The following MAP3K9 variants were observed in gnomAD, a reference collection of about 807,000 sequenced individuals.
MAP3K9 encodes the protein mixed lineage kinase 1 (tyr and ser/thr specificity).
A neutral mutation model predicts 95.8 loss-of-function variants in MAP3K9; 46 were observed. The ratio of observed to expected loss-of-function variants is 0.48; its 90% confidence interval spans 0.38 to 0.61. The LOEUF (loss-of-function observed/expected upper bound fraction) is 0.61. MAP3K9 is among the 20% of genes least tolerant of loss of function. The pLI is 0.00. For missense variants in MAP3K9, 1,296 were observed against 1,474.3 expected, an observed-to-expected ratio of 0.88 and a Z score of 1.98; for synonymous variants, 533 against 593.8, an observed-to-expected ratio of 0.90 and a Z score of 1.49.
intron 2 of MAP3K9, among the ~76,000 whole-genome samples, chr14:70,778,890 C>G (rs4902853): frequency 6.6e-6 from 1 of 152,180 alleles, no homozygotes; most frequent in Non-Finnish European, 1.5e-5. Context: ...GTCCACCCAT[C>G]TTGTTTGAAC....
Position 70,809,261 on chromosome 14 carries a change from A to ACCC in MAP3K9, c.-93_-91dup. 1 of 1,090,238 alleles carries ACCC rather than the reference A, an allele frequency of 9.2e-7. No individual in the cohort carries two copies. The highest frequency in any genetic ancestry group is 1.1e-6 in the Non-Finnish European group (1 of 877,816). The allele number at this position is 1,090,238 out of a possible 1,614,324, so 67.5% of individuals were successfully genotyped here. A position where few individuals can be genotyped will look rare whatever the true frequency, so the allele number is the denominator to read the frequency against. On this transcript the variant is annotated 5_prime_UTR_variant, in exon 1 of 12. Transcript: ENST00000554752. ...CATGCGCCTCCGCAGAGCTGGGAGG[A>ACCC]CCCCCCCCCAACGACGGCGGCCGCA...
At chr14:70,789,128 C>G (rs1212455953) in intron 2 of MAP3K9, among the ~76,000 whole-genome samples, 1 of 152,234 alleles carries the variant, frequency 6.6e-6, no homozygotes, top group African/African-American at 2.4e-5. Flanking sequence ...GACGAGGCTG[C>G]ATTTTTCAGA....
intron 2 of MAP3K9, among the ~76,000 whole-genome samples, chr14:70,795,486 AT>A (rs1434315892): frequency 6.9e-6 from 1 of 145,552 alleles, no homozygotes; most frequent in Non-Finnish European, 1.5e-5. Context: ...ATTTTATTGT[AT>A]TTTTTGCAGA....
At chr14:70,757,728 G>A (rs1264691217) in intron 3 of MAP3K9, among the ~76,000 whole-genome samples, 7 of 152,156 alleles carry the variant, frequency 4.6e-5, no homozygotes, top group Non-Finnish European at 1.0e-4. Context: ...GAGTAGAACT[G>A]AGAATCTAGA....
intron 2 of MAP3K9, chr14:70,783,426 C>T: frequency 2.0e-6 from 2 of 983,648 alleles, no homozygotes; most frequent in Non-Finnish European, 2.4e-6. Context: ...TCATTTCCTG[C>T]TCAAAATTCC....
rs187137240 is a variant in MAP3K9, at chr14:70,768,396, T to C, written c.821-7214A>G. 7.9e-5 allele frequency among the ~76,000 whole-genome samples: 12 copies of C among 151,918 alleles called. No homozygotes were observed. In the East Asian group the frequency reaches 2.3e-3, roughly 29 times the overall value. On this transcript the variant is annotated intron_variant, in intron 2 of 11. Transcript: ENST00000554752. The stretch of plus-strand genomic sequence containing the variant: ...ACATTGAGTAACCTGTACAAACAAA[T>C]AAAATGAAACAAAAATAAATGGTAC...
rs772906765 is a variant in MAP3K9, at chr14:70,732,709, C to T, written c.2660G>A (p.Arg887His). 12 of 1,599,240 alleles carry T rather than the reference C, an allele frequency of 7.5e-6. No individual in the cohort carries two copies. Among genetic ancestry groups the T allele is most frequent in the Admixed American group, 3.4e-5 (2 of 59,218 alleles). ...AGATTGGTTAGGATCTCGTTTGAAGCGCTCTACTCGGACATTGACCAGGGG... is the reference window on the plus strand; with the variant it reads ...AGATTGGTTAGGATCTCGTTTGAAGTGCTCTACTCGGACATTGACCAGGGG... Reference protein sequence around the residue: ...HNPLVNVRVERFKRDPNQSLT... With the variant: ...HNPLVNVRVEHFKRDPNQSLT... Residue 887 changes from arginine (R) to histidine (H), a missense_variant, in exon 11 of 12, where the codon CGC (arginine) becomes CAC (histidine). Arg to His is a conservative substitution (Grantham distance 29). Around this residue, in one of 5 missense-constraint regions of MAP3K9, gnomAD observed 433 missense variants for 441.4 expected, o/e 0.98. Transcript: ENST00000554752.
chr14:70,738,164 A>T, intron 8 of MAP3K9, 81 bp downstream of exon 8: 1 of 1,418,846 alleles, frequency 7.0e-7, no homozygotes, highest in East Asian at 2.5e-5. Context: ...ACGACAGAGA[A>T]AAAAAGTTAT....
At chr14:70,758,590 C>T (rs2054328193) in intron 3 of MAP3K9, among the ~76,000 whole-genome samples, 1 of 152,228 alleles carries the variant, frequency 6.6e-6, no homozygotes, top group South Asian at 2.1e-4. Context: ...TACACAAAAG[C>T]TTGTGTTGTA....
In MAP3K9 at chr14:70,800,714, T is replaced by C. The variant is rs758741981; in HGVS notation, c.773A>G (p.Asp258Gly). The change falls in exon 2 of 12, where the codon GAT becomes GGT. Residue 258 changes from aspartate to glycine, a missense_variant. Around this residue, in one of 5 missense-constraint regions of MAP3K9, gnomAD observed 338 missense variants for 363.4 expected, o/e 0.93. Coordinates refer to ENST00000554752, the MANE Select transcript of MAP3K9 (RefSeq NM_001284230.2). ...GTGGATGATGGGAACAATTGCCTCA[T>C]CATGTAAGTAGTTCATCCCTCTGGC... ...QIARGMNYLH[D>G]EAIVPIIHRD... is the part of the protein sequence containing the mutation. 6.1e-5 allele frequency: 99 copies of C among 1,614,004 alleles called. No homozygotes were observed. The highest frequency in any genetic ancestry group is 7.9e-5 in the Non-Finnish European group (93 of 1,180,034).
intron 7 of MAP3K9, chr14:70,739,810 C>A: frequency 7.4e-7 from 1 of 1,356,976 alleles, no homozygotes; most frequent in South Asian, 1.4e-5. Flanking sequence ...ACCCACAAAT[C>A]CCTTTGCTGA....
intron 3 of MAP3K9, among the ~76,000 whole-genome samples, chr14:70,755,740 T>C (rs2054290257): frequency 6.6e-6 from 1 of 152,200 alleles, no homozygotes; most frequent in Admixed American, 6.5e-5. Flanking sequence ...TTATAAATTG[T>C]GCTTTGAAGG....
chr14:70,734,668 A>G (rs983114091), intron 9 of MAP3K9, among the ~76,000 whole-genome samples, 170 bp from the exon 10 acceptor site: 1 of 152,192 alleles, frequency 6.6e-6, no homozygotes, highest in African/African-American at 2.4e-5. Context: ...CACAAACAGA[A>G]ATGCACATGC....
rs370186142 is a variant in MAP3K9, at chr14:70,738,246, C to G, written c.1843G>C (p.Gly615Arg). 146 of 1,607,292 alleles carry G rather than the reference C, an allele frequency of 9.1e-5. 1 individual carries two copies. Among genetic ancestry groups the G allele is most frequent in the Admixed American group, 2.7e-4 (16 of 58,902 alleles). The change falls in exon 8 of 12, where the codon GGA becomes CGA. Residue 615 changes from glycine (G) to arginine (R), a missense_variant and splice_region_variant. By Grantham distance (125) the Gly-to-Arg change is moderately radical. This residue lies in a region of MAP3K9 where 377 missense variants were observed against 417.1 expected (regional missense o/e 0.90). Transcript: ENST00000554752. The part of the protein sequence containing the change: ...GQKELASGDE[G>R]SPQRREKANG... ...AATTTCATGTCATCTGGCACTTACC[C>G]TTCATCTCCCGAGGCAAGCTCCTTC...
intron 2 of MAP3K9, among the ~76,000 whole-genome samples, chr14:70,786,715 G>C (rs566197726): frequency 8.5e-5 from 13 of 152,192 alleles, no homozygotes; most frequent in Non-Finnish European, 1.6e-4. Flanking sequence ...TGAGCATCAG[G>C]ATGACCTTAG....
At chr14:70,803,204 G>T (rs1487193522) in intron 1 of MAP3K9, among the ~76,000 whole-genome samples, 3 of 151,764 alleles carry the variant, frequency 2.0e-5, no homozygotes, top group African/African-American at 7.3e-5. Context: ...CATGCTTCCC[G>T]TACAGGCTGC....
At chr14:70,803,417 G>GA (rs112757371) in intron 1 of MAP3K9, among the ~76,000 whole-genome samples, 1,730 of 125,548 alleles carry the variant, frequency 0.014, 17 homozygotes, top group Non-Finnish European at 0.021. Flanking sequence ...ACACTTCACT[G>GA]AAAAAAAAAA....
chr14:70,800,955 C>T lies in MAP3K9; in HGVS notation c.532G>A (p.Asp178Asn). The T allele has an allele frequency of 6.2e-7, 1 of 1,614,194 alleles. No homozygotes were observed. Among genetic ancestry groups the T allele is most frequent in the Non-Finnish European group, 8.5e-7 (1 of 1,180,030 alleles). The change falls in exon 2 of 12, where the codon GAT (aspartate) becomes AAT (asparagine). Residue 178 changes from aspartate (D) to asparagine (N), a missense_variant. By Grantham distance (23) the Asp-to-Asn change is conservative (BLOSUM62 1). Transcript: ENST00000554752. Reference sequence around the variant, plus strand: ...TCTATGGTCTGGCTGATGTCCTCATCAGGGTCGTGGCGAGCTGCTTTCACA... The same window carrying T: ...TCTATGGTCTGGCTGATGTCCTCATTAGGGTCGTGGCGAGCTGCTTTCACA... The part of the protein sequence containing the change: ...VAVKAARHDP[D>N]EDISQTIENV...
chr14:70,786,799 G>C (rs1460247122), intron 2 of MAP3K9, among the ~76,000 whole-genome samples: 1 of 152,156 alleles, frequency 6.6e-6, no homozygotes, highest in Non-Finnish European at 1.5e-5. Flanking sequence ...AAGCAAAAAA[G>C]AAAGTCAAGA....
Sources: allele counts gnomAD v4.1 joint callset (sites outside exome capture counted in the v4.1 genomes callset), GRCh38; gene constraint gnomAD v4.1.1; regional missense constraint gnomAD v4.1.1; transcripts MANE v1.5; gene names NCBI Gene and HGNC (gene_info 2026-07-23, HGNC 2026-07-21).